DPF3: variants seen among roughly 807,000 people sequenced by gnomAD.
DPF3 encodes the protein double PHD fingers 3.
DPF3 carries 18 observed loss-of-function variants against 56.8 expected under a neutral mutation model. The observed-to-expected ratio is 0.32, with a 90% CI of 0.22 to 0.47. DPF3 has a LOEUF of 0.47. Ranked by LOEUF, DPF3 falls within the 20% of genes least tolerant of loss-of-function variation. The pLI is 1.00. For missense variants in DPF3, 403 were observed against 488.8 expected, an observed-to-expected ratio of 0.82 and a Z score of 1.65; for synonymous variants, 188 against 180.2, an observed-to-expected ratio of 1.04 and a Z score of -0.35.
chr14:72,722,234 G>A (rs912173854), intron 5 of DPF3, among the ~76,000 whole-genome samples: 11 of 152,154 alleles, frequency 7.2e-5, no homozygotes, highest in Non-Finnish European at 1.3e-4. Context: ...GAGAAAAGAA[G>A]AGACGAGCCA....
rs1456061374 is a variant in DPF3 at position 72,714,514 on chromosome 14, T to C, written c.526-13A>G. On this transcript the variant is annotated splice_polypyrimidine_tract_variant and intron_variant, in intron 5 of 10. Transcript: ENST00000556509. ...CAGAGCCGCGAGCCTGGGGAGACATTGGGGTACAGGATGCTTGTTACCATG... is the reference window on the plus strand; with the variant it reads ...CAGAGCCGCGAGCCTGGGGAGACATCGGGGTACAGGATGCTTGTTACCATG... The C allele has an allele frequency of 8.7e-6, 14 of 1,613,446 alleles. No homozygotes were observed. Among genetic ancestry groups the C allele is most frequent in the Admixed American group, 1.7e-5 (1 of 59,982 alleles).
At chr14:72,753,602 C>T (rs1026298554) in intron 2 of DPF3, among the ~76,000 whole-genome samples, 20 of 152,168 alleles carry the variant, frequency 1.3e-4, no homozygotes, top group South Asian at 2.1e-4. Flanking sequence ...CCCATGCCAA[C>T]GAGAGCCATT....
intron 7 of DPF3, among the ~76,000 whole-genome samples, chr14:72,681,166 G>C (rs896624032): frequency 1.3e-5 from 2 of 152,174 alleles, no homozygotes; most frequent in African/African-American, 4.8e-5. Flanking sequence ...CATCACAGAG[G>C]CTTTTTGAGG....
Position 72,858,106 on chromosome 14 carries a change from A to G in DPF3, c.32+35951T>C, listed in dbSNP as rs865837710. 2.0e-5 allele frequency among the ~76,000 whole-genome samples: 3 copies of G among 151,988 alleles called. 1 individual carries two copies. The highest frequency in any genetic ancestry group is 3.2e-3 in the Middle Eastern group (1 of 316). On this transcript the variant is annotated intron_variant, in intron 1 of 10. Coordinates refer to ENST00000556509, the MANE Select transcript of DPF3 (RefSeq NM_001280542.3). ...GATTACTTGAGGCCAGGAGTTCAAG[A>G]CTAGCCTGGGCAACATGGCGAAACC...
chr14:72,788,094 C>T (rs1076431), intron 1 of DPF3, among the ~76,000 whole-genome samples: 2 of 152,178 alleles, frequency 1.3e-5, no homozygotes, highest in African/African-American at 4.8e-5. Flanking sequence ...GGTATGATCC[C>T]AGCCCTTCAC....
intron 1 of DPF3, among the ~76,000 whole-genome samples, chr14:72,838,758 A>C (rs1884410984): frequency 5.7e-5 from 2 of 35,126 alleles, no homozygotes; most frequent in Non-Finnish European, 1.3e-4. Flanking sequence ...CTCCGTCTCA[A>C]AAAAAAAAAA....
intron 3 of DPF3, among the ~76,000 whole-genome samples, chr14:72,739,241 C>CAA (rs35425882): frequency 1.5e-3 from 191 of 124,818 alleles, no homozygotes; most frequent in South Asian, 2.4e-3. Context: ...GACTCTGTCT[C>CAA]AAAAAAAAAA....
At chr14:72,860,107 C>G (rs544413477) in intron 1 of DPF3, among the ~76,000 whole-genome samples, 6 of 152,178 alleles carry the variant, frequency 3.9e-5, no homozygotes, top group Non-Finnish European at 5.9e-5. Flanking sequence ...AGCTTAGCTG[C>G]GATGTTGACC....
At chr14:72,758,481 G>A (rs1890931521) in intron 2 of DPF3, among the ~76,000 whole-genome samples, 4 of 152,124 alleles carry the variant, frequency 2.6e-5, no homozygotes, top group Non-Finnish European at 2.9e-5. Flanking sequence ...GGAACTGAAG[G>A]GTAAACAAAA....
At chr14:72,700,425 G>A (rs1888108043) in intron 6 of DPF3, among the ~76,000 whole-genome samples, 1 of 152,238 alleles carries the variant, frequency 6.6e-6, no homozygotes, top group African/African-American at 2.4e-5. Flanking sequence ...CTAGAAGTCT[G>A]TTGGGTTCAG....
At chr14:72,849,701 G>A (rs1355733742) in intron 1 of DPF3, among the ~76,000 whole-genome samples, 8 of 152,164 alleles carry the variant, frequency 5.3e-5, no homozygotes, top group Non-Finnish European at 1.2e-4. Flanking sequence ...TCAGGAGCTA[G>A]GCAAGGTGGC....
chr14:72,729,859 C>T (rs1599390348), intron 4 of DPF3, among the ~76,000 whole-genome samples: 1 of 152,072 alleles, frequency 6.6e-6, no homozygotes, highest in Admixed American at 6.5e-5. Context: ...GATGCCATTA[C>T]ACATTTGTTC....
Position 72,675,023 on chromosome 14 carries a change from C to A in DPF3, c.743-655G>T, listed in dbSNP as rs562820861. Among the ~76,000 whole-genome samples, 12 of 152,328 alleles carry A rather than the reference C, an allele frequency of 7.9e-5. No individual in the cohort carries two copies. In the South Asian group the frequency reaches 2.5e-3, roughly 32 times the overall value. On this transcript the variant is annotated intron_variant, in intron 7 of 10. Transcript: ENST00000556509. ...AGACCCCAAGTGCCTAAAATCAGAA[C>A]TAGACCCAGGCTTCTAGGCACTTGG...
intron 3 of DPF3, among the ~76,000 whole-genome samples, chr14:72,746,648 C>G (rs1890335177): frequency 1.3e-5 from 2 of 152,220 alleles, no homozygotes; most frequent in Non-Finnish European, 2.9e-5. Flanking sequence ...TGGGGGAACC[C>G]AACTTTTCCC....
chr14:72,749,324 C>A (rs1890459481), intron 3 of DPF3, among the ~76,000 whole-genome samples: 1 of 152,336 alleles, frequency 6.6e-6, no homozygotes, highest in South Asian at 2.1e-4. Flanking sequence ...TTTGGCCAAT[C>A]TCTCCCACTT....
chr14:72,860,540 C>T (rs1256430238), intron 1 of DPF3, among the ~76,000 whole-genome samples: 2 of 146,320 alleles, frequency 1.4e-5, no homozygotes, highest in African/African-American at 2.5e-5. Context: ...AATAGTGGTC[C>T]ACTGCAGCTT....
intron 1 of DPF3, among the ~76,000 whole-genome samples, chr14:72,807,944 G>A (rs758004376): frequency 3.3e-5 from 5 of 152,110 alleles, no homozygotes; most frequent in South Asian, 2.1e-4. Flanking sequence ...CAGCCTGGGC[G>A]ACAGAGCAAG....
At chr14:72,622,351 G>A (rs1884508087) in intron 9 of DPF3, among the ~76,000 whole-genome samples, 1 of 152,130 alleles carries the variant, frequency 6.6e-6, no homozygotes, top group Admixed American at 6.5e-5. Flanking sequence ...ATGAAGACGA[G>A]CACACTGTAG....
chr14:72,777,160 G>A (rs10146692), intron 1 of DPF3, among the ~76,000 whole-genome samples: 54,849 of 151,976 alleles, frequency 0.36, 10,003 homozygotes, highest in Middle Eastern at 0.38. Flanking sequence ...CTTCCTCACT[G>A]TGGGCACCAA....
Sources: allele counts gnomAD v4.1 joint callset (sites outside exome capture counted in the v4.1 genomes callset), GRCh38; gene constraint gnomAD v4.1.1; transcripts MANE v1.5; gene names NCBI Gene and HGNC (gene_info 2026-07-23, HGNC 2026-07-21).